GLP1R: variants seen among roughly 807,000 people sequenced by gnomAD.
GLP1R encodes the protein glucagon like peptide 1 receptor, also known as glucagon-like peptide 1 receptor.
A neutral mutation model predicts 68.4 loss-of-function variants in GLP1R; 32 were observed. That is an observed-to-expected ratio of 0.47 (90% confidence interval 0.35 to 0.63). The LOEUF (loss-of-function observed/expected upper bound fraction) is 0.63. Ranked by LOEUF, GLP1R falls within the 20% of genes least tolerant of loss-of-function variation. GLP1R has a pLI of 0.00. For synonymous variants in GLP1R, 263 were observed against 244.4 expected (o/e 1.08, Z -0.71); for missense variants, 502 against 594.9 (o/e 0.84, Z 1.62).
rs34093988 is a variant in GLP1R at position 39,086,166 on chromosome 6, GACAC to G, written c.*129_*132del. 0.18 allele frequency: 103,287 copies of G among 576,248 alleles called. 3,543 individuals carry two copies. Among genetic ancestry groups the G allele is most frequent in the Non-Finnish European group, 0.2 (67,140 of 329,978 alleles). 35.7% of individuals were successfully genotyped at this position (576,248 alleles called of 1,614,324 possible). On this transcript the variant is annotated 3_prime_UTR_variant, in exon 13 of 13. Transcript: ENST00000373256. This position sits in a 1 kb window ranked among gnomAD's most constrained non-coding sequence, Gnocchi z 4.5. The stretch of plus-strand genomic sequence containing the variant: ...ACTCCCAGGGACAAGGGAAGGAAGG[GACAC>G]ACACACACACACACACACACACACA...
chr6:39,079,800 G>A lies in GLP1R; in HGVS notation c.1182+98G>A. On this transcript the variant is annotated intron_variant, in intron 11 of 12. Transcript: ENST00000373256. The surrounding 1 kb of genome is among the most constrained non-coding windows in gnomAD (Gnocchi z 4.5). ...TGCAGATGGAAAAGGTGGGAAGACT[G>A]GGACCTGGAGGGGTGATCCCTGCCC... 9.0e-7 allele frequency: 1 copy of A among 1,112,400 alleles called. No homozygotes were observed. The highest frequency in any genetic ancestry group is 1.3e-6 in the Non-Finnish European group (1 of 756,224). The allele number at this position is 1,112,400 out of a possible 1,614,324, so 68.9% of individuals were successfully genotyped here.
Position 39,048,903 on chromosome 6 carries a change from C to A in GLP1R, c.63C>A (p.Ala21=), listed in dbSNP as rs777768298. 1 of 1,418,746 alleles carries A rather than the reference C, an allele frequency of 7.0e-7. No homozygotes were observed. Among genetic ancestry groups the A allele is most frequent in the South Asian group, 1.5e-5 (1 of 68,656 alleles). 87.9% of individuals were successfully genotyped at this position (1,418,746 alleles called of 1,614,324 possible). A position where few individuals can be genotyped will look rare whatever the true frequency, so the allele number is the denominator to read the frequency against. ...ALLLLGMVGR[A]GPRPQGATVS... is the part of the protein sequence containing the mutation. ...TGCTGCTCGGGATGGTGGGCAGGGC[C>A]GGCCCCCGCCCCCAGGTGAGATCCA... The change falls in exon 1 of 13, where the codon GCC becomes GCA. Residue 21 remains alanine, a synonymous_variant. Coordinates refer to ENST00000373256, the MANE Select transcript of GLP1R (RefSeq NM_002062.5).
intron 12 of GLP1R, 51 bp from the exon 13 acceptor site, chr6:39,085,855 T>TA (rs771057612): frequency 1.9e-6 from 3 of 1,561,246 alleles, no homozygotes; most frequent in Non-Finnish European, 2.6e-6. Context: ...GCCATTTTGT[T>TA]AGCCATTGGT....
chr6:39,073,626 G>T lies in GLP1R; in HGVS notation c.680G>T (p.Arg227Leu). The T allele has an allele frequency of 3.1e-6, 5 of 1,613,870 alleles. No homozygotes were observed. Among genetic ancestry groups the T allele is most frequent in the Non-Finnish European group, 4.2e-6 (5 of 1,179,882 alleles). ...TACCCCCAGGACTCTCTGAGCTGCC[G>T]CCTGGTGTTTCTGCTCATGCAGTAC... ...LLSYQDSLSC[R>L]LVFLLMQYCV... The change falls in exon 7 of 13, where the codon CGC becomes CTC. Residue 227 changes from arginine (R) to leucine (L), a missense_variant. Arg to Leu is a moderately radical substitution (Grantham distance 102). Transcript: ENST00000373256.
chr6:39,058,184 T>G (rs1284528315), intron 3 of GLP1R, among the ~76,000 whole-genome samples: 1 of 152,018 alleles, frequency 6.6e-6, no homozygotes, highest in Non-Finnish European at 1.5e-5. Context: ...AAGAGCTGGG[T>G]GGGGACAGAC....
At chr6:39,063,460 A>G (rs1490603996) in intron 3 of GLP1R, among the ~76,000 whole-genome samples, 1 of 152,188 alleles carries the variant, frequency 6.6e-6, no homozygotes, top group Non-Finnish European at 1.5e-5. Context: ...GTATTGGAAC[A>G]CCATCGTTCC....
rs776464173 is a variant in GLP1R, at chr6:39,079,022, T to A, written c.950T>A (p.Ile317Asn). 1 of 1,613,872 alleles carries A rather than the reference T, an allele frequency of 6.2e-7. No homozygotes were observed. Among genetic ancestry groups the A allele is most frequent in the Non-Finnish European group, 8.5e-7 (1 of 1,179,752 alleles). ...ATCCGGCTGCCCATTCTCTTTGCCA[T>A]TGGGGTGAGTGATGGTGTCAGGGAT... ...LIIRLPILFA[I>N]GVNFLIFVRV... Residue 317 changes from isoleucine (I) to asparagine (N), a missense_variant, in exon 9 of 13, where the codon ATT (isoleucine) becomes AAT (asparagine). Physicochemically the swap from Ile to Asn is moderately radical, Grantham distance 149. Coordinates refer to ENST00000373256, the MANE Select transcript of GLP1R (RefSeq NM_002062.5). This position sits in a 1 kb window ranked among gnomAD's most constrained non-coding sequence, Gnocchi z 4.5.
At chr6:39,073,562 G>C in intron 6 of GLP1R, 48 bp from the exon 7 acceptor site, 1 of 1,551,486 alleles carries the variant, frequency 6.4e-7, no homozygotes, top group Non-Finnish European at 8.9e-7. Flanking sequence ...ATCAAGAGAG[G>C]CAGAGGGCAG....
At chr6:39,085,127 A>C (rs531891549) in intron 12 of GLP1R, among the ~76,000 whole-genome samples, 2 of 152,074 alleles carry the variant, frequency 1.3e-5, no homozygotes, top group Non-Finnish European at 2.9e-5. Context: ...CAGCATTGCC[A>C]CAAACCCTCA....
chr6:39,053,948 G>A (rs537114350), intron 1 of GLP1R, among the ~76,000 whole-genome samples: 2 of 152,010 alleles, frequency 1.3e-5, no homozygotes, highest in Non-Finnish European at 2.9e-5. Context: ...CTGCTCTCCG[G>A]AGCACTGATG....
intron 1 of GLP1R, among the ~76,000 whole-genome samples, chr6:39,050,471 C>G (rs1246144882): frequency 6.6e-6 from 1 of 152,176 alleles, no homozygotes; most frequent in African/African-American, 2.4e-5. Context: ...CCTGAACCCA[C>G]ACTTTCCTCT....
Position 39,079,591 on chromosome 6 carries a change from C to A in GLP1R, c.1071C>A (p.Ile357=), listed in dbSNP as rs1374533468. 1.2e-6 allele frequency: 2 copies of A among 1,603,610 alleles called. No individual in the cohort carries two copies. The highest frequency in any genetic ancestry group is 2.2e-5 in the South Asian group (2 of 89,296). The change falls in exon 11 of 13, where the codon ATC becomes ATA. Residue 357 remains isoleucine, a synonymous_variant. Transcript: ENST00000373256. This position sits in a 1 kb window ranked among gnomAD's most constrained non-coding sequence, Gnocchi z 4.5. ...CRLAKSTLTL[I]PLLGTHEVIF... is the part of the protein sequence containing the mutation. ...TTGCCAAGTCCACGCTGACACTCAT[C>A]CCCCTGCTGGGGACTCATGAGGTCA...
chr6:39,062,583 G>A (rs999229303), intron 3 of GLP1R, among the ~76,000 whole-genome samples: 4 of 152,232 alleles, frequency 2.6e-5, no homozygotes, highest in African/African-American at 7.2e-5. Flanking sequence ...CAGGAATGGT[G>A]CAGCGGCCGG....
chr6:39,075,285 A>G (rs1768783655), intron 7 of GLP1R, among the ~76,000 whole-genome samples: 1 of 152,178 alleles, frequency 6.6e-6, no homozygotes, highest in Non-Finnish European at 1.5e-5. Flanking sequence ...TCCTCCTGCT[A>G]GAGCAGGAGG....
Position 39,090,068 on chromosome 6 carries a change from A to G in GLP1R, c.*3995A>G, listed in dbSNP as rs1413548958. 1.3e-5 allele frequency among the ~76,000 whole-genome samples: 2 copies of G among 152,202 alleles called. No homozygotes were observed. Among genetic ancestry groups the G allele is most frequent in the African/African-American group, 4.8e-5 (2 of 41,458 alleles). On this transcript the variant is annotated 3_prime_UTR_variant, in exon 13 of 13. Transcript: ENST00000373256. The stretch of plus-strand genomic sequence containing the variant: ...GCTGGAATGAGTTCCCCTGGGAAAG[A>G]AAATCGCCCAAGTGAGAAACTTATG...
intron 5 of GLP1R, among the ~76,000 whole-genome samples, chr6:39,071,435 G>C (rs187944449): frequency 6.8e-4 from 103 of 150,760 alleles, no homozygotes; most frequent in African/African-American, 2.5e-3. Context: ...TATATTTTCT[G>C]TAAGTTTCAG....
In GLP1R at chr6:39,090,579, C is replaced by T. The variant is rs111953643; in HGVS notation, c.*4506C>T. 1.3e-5 allele frequency among the ~76,000 whole-genome samples: 2 copies of T among 152,238 alleles called. No homozygotes were observed. The highest frequency in any genetic ancestry group is 2.4e-5 in the African/African-American group (1 of 41,532). ...GAGGTGCTGTCAGGGCTGAAAAGGA[C>T]GCACCTCATTCTACATTTGGATGTG... On this transcript the variant is annotated 3_prime_UTR_variant, in exon 13 of 13. Transcript: ENST00000373256.
At chr6:39,078,494 A>C in intron 8 of GLP1R, 112 bp downstream of exon 8, 1 of 792,132 alleles carries the variant, frequency 1.3e-6, no homozygotes, top group East Asian at 2.4e-5. Context: ...GGGGGGTACC[A>C]GGAGCTTAGA....
intron 7 of GLP1R, among the ~76,000 whole-genome samples, chr6:39,074,037 C>G (rs1463050345): frequency 6.6e-6 from 1 of 152,216 alleles, no homozygotes; most frequent in Non-Finnish European, 1.5e-5. Flanking sequence ...ATCATGCACA[C>G]CACTGGAGGT....
Sources: gnomAD v4.1 joint callset for allele counts (sites outside exome capture counted in the v4.1 genomes callset) on GRCh38, gnomAD v4.1.1 for gene constraint, Gnocchi (gnomAD v3.1) non-coding constraint, MANE v1.5 for transcripts, NCBI Gene and HGNC (gene_info 2026-07-23, HGNC 2026-07-21) for gene names.